The following AFAP1 variants were observed in gnomAD, a reference collection of about 807,000 sequenced individuals.
The protein encoded by AFAP1 is actin filament associated protein 1.
In AFAP1, 75 loss-of-function variants were observed where a neutral mutation model predicts 93.9. The ratio of observed to expected loss-of-function variants is 0.80; its 90% CI spans 0.66 to 0.97. AFAP1 has a LOEUF of 0.97. Among genes scored for constraint, AFAP1 ranks in the 50% least tolerant of loss-of-function variants. The pLI, the probability that AFAP1 is intolerant of heterozygous loss-of-function variation, is 0.00. For missense variants in AFAP1, 1,201 were observed against 1,050.8 expected (o/e 1.14, Z -1.98); for synonymous variants, 517 against 430.7 (o/e 1.20, Z -2.48).
intron 1 of AFAP1, among the ~76,000 whole-genome samples, chr4:7,883,920 A>G (rs1007160910): frequency 7.9e-5 from 12 of 152,228 alleles, no homozygotes; most frequent in Non-Finnish European, 1.6e-4. Flanking sequence ...AGCAATAGCA[A>G]TAATACACTG....
At chr4:7,797,478 G>A (rs183594329) in intron 10 of AFAP1, among the ~76,000 whole-genome samples, 149 of 152,306 alleles carry the variant, frequency 9.8e-4, no homozygotes, top group African/African-American at 3.0e-3. Flanking sequence ...ACCTCCATGG[G>A]CTCCCGCTAT....
chr4:7,924,706 A>C (rs1720634794), intron 1 of AFAP1, among the ~76,000 whole-genome samples: 1 of 152,080 alleles, frequency 6.6e-6, no homozygotes, highest in Non-Finnish European at 1.5e-5. Context: ...TCAGACCACA[A>C]CCTGCAGCTG....
chr4:7,909,368 A>C (rs149797437), intron 1 of AFAP1, among the ~76,000 whole-genome samples: 139 of 152,356 alleles, frequency 9.1e-4, no homozygotes, highest in Non-Finnish European at 1.5e-3. Context: ...TATTATTTAT[A>C]AACTGTCCAG....
intron 1 of AFAP1, among the ~76,000 whole-genome samples, chr4:7,923,570 C>T (rs1720552533): frequency 6.6e-6 from 1 of 152,208 alleles, no homozygotes; most frequent in South Asian, 2.1e-4. Context: ...CCTCCGACTC[C>T]CTAGTTCAAG....
chr4:7,824,193 T>C (rs1256962194), intron 6 of AFAP1, among the ~76,000 whole-genome samples: 1 of 152,196 alleles, frequency 6.6e-6, no homozygotes, highest in African/African-American at 2.4e-5. Context: ...TCCTATGAGG[T>C]TCAATGTGTA....
chr4:7,844,292 G>A (rs1290449706), intron 4 of AFAP1, among the ~76,000 whole-genome samples: 2 of 152,188 alleles, frequency 1.3e-5, no homozygotes, highest in Non-Finnish European at 2.9e-5. Flanking sequence ...AAGAGAGAGA[G>A]AGAGAGAGAG....
At chr4:7,803,300 G>A (rs1174567016) in intron 9 of AFAP1, among the ~76,000 whole-genome samples, 1 of 152,252 alleles carries the variant, frequency 6.6e-6, no homozygotes, top group Non-Finnish European at 1.5e-5. Context: ...AACAGCCCGT[G>A]CTCTGGAGTG....
At chr4:7,771,417 T>G (rs1354192132) in intron 16 of AFAP1, among the ~76,000 whole-genome samples, 1 of 152,094 alleles carries the variant, frequency 6.6e-6, no homozygotes, top group Non-Finnish European at 1.5e-5. Flanking sequence ...GTATTTTATA[T>G]ATAATAGATA....
At chr4:7,901,013 C>T (rs1560227571) in intron 1 of AFAP1, among the ~76,000 whole-genome samples, 2 of 152,172 alleles carry the variant, frequency 1.3e-5, no homozygotes, top group South Asian at 2.1e-4. Context: ...CTTCCTTCTG[C>T]GATTCCAGCG....
At position 7,843,279 on chromosome 4, in the gene AFAP1, T is replaced by C. The variant is rs1277879532; in HGVS notation, c.406A>G (p.Lys136Glu). ...TCGGAGGGCCACTGGTGCCGGGTTTTCTTCCCCTTCCCATCCTCCTCCTCT... is the reference window on the plus strand; with the variant it reads ...TCGGAGGGCCACTGGTGCCGGGTTTCCTTCCCCTTCCCATCCTCCTCCTCT... ...DEEEEDGKGK[K>E]TRHQWPSEEA... The change falls in exon 5 of 18, where the codon AAA (lysine) becomes GAA (glutamate). Residue 136 changes from lysine (K) to glutamate (E), a missense_variant. By Grantham distance (56) the Lys-to-Glu change is moderately conservative. Transcript: ENST00000420658. 2 of 1,614,036 alleles carry C rather than the reference T, an allele frequency of 1.2e-6. No individual in the cohort carries two copies. The highest frequency in any genetic ancestry group is 1.7e-6 in the Non-Finnish European group (2 of 1,180,026).
In AFAP1 at chr4:7,825,289, G is replaced by A. The variant is rs142719053; in HGVS notation, c.727-6118C>T. Among the ~76,000 whole-genome samples the A allele has an allele frequency of 1.5e-4, 23 of 152,138 alleles. No individual in the cohort carries two copies. The East Asian group carries it at 3.7e-3, about 24-fold the overall frequency. The stretch of plus-strand genomic sequence containing the variant: ...TCACCCACCTTTCCATCACTCTAGC[G>A]CACTACCTTCTGGCTCACCAGGGGT... On this transcript the variant is annotated intron_variant, in intron 6 of 17. Coordinates refer to ENST00000420658, the MANE Select transcript of AFAP1 (RefSeq NM_001134647.2).
chr4:7,844,534 G>A (rs1291420754), intron 4 of AFAP1, among the ~76,000 whole-genome samples: 2 of 152,136 alleles, frequency 1.3e-5, no homozygotes, highest in African/African-American at 2.4e-5. Flanking sequence ...AGAGCGGATC[G>A]CAGCACACCT....
intron 16 of AFAP1, chr4:7,772,555 A>T: frequency 2.2e-6 from 1 of 458,598 alleles, no homozygotes; most frequent in East Asian, 3.7e-5. Flanking sequence ...GATCTGTTCT[A>T]AACAGATTGT....
intron 9 of AFAP1, among the ~76,000 whole-genome samples, chr4:7,804,934 C>T (rs907284007): frequency 5.9e-5 from 9 of 152,162 alleles, no homozygotes; most frequent in Admixed American, 4.6e-4. Flanking sequence ...ACAGGCCTGC[C>T]GAAGCCAAAC....
rs1277078878 is a variant in AFAP1, at chr4:7,939,516, GC to G, written c.-3+139del. ...CACGCGGCGTCGCAGCAGGCGCGGAGCCCCCGGTACCACCCGAGGCCGAGAC... is the reference window on the plus strand; with the variant it reads ...CACGCGGCGTCGCAGCAGGCGCGGAGCCCCGGTACCACCCGAGGCCGAGAC... On this transcript the variant is annotated intron_variant, in intron 1 of 17. Transcript: ENST00000420658. The surrounding 1 kb of genome is among the most constrained non-coding windows in gnomAD (Gnocchi z 5.6). 6.2e-5 allele frequency: 21 copies of G among 340,952 alleles called. No homozygotes were observed. The highest frequency in any genetic ancestry group is 1.2e-4 in the South Asian group (6 of 48,484). The allele number at this position is 340,952 out of a possible 1,614,324, so 21.1% of individuals were successfully genotyped here. A position where few individuals can be genotyped will look rare whatever the true frequency, so the allele number is the denominator to read the frequency against.
chr4:7,775,170 T>C (rs1243165902), intron 14 of AFAP1: 1 of 378,620 alleles, frequency 2.6e-6, no homozygotes. Flanking sequence ...AAGCAGATAA[T>C]GGGGTAACTC....
chr4:7,807,419 C>T (rs369859221), intron 9 of AFAP1, among the ~76,000 whole-genome samples: 1 of 152,332 alleles, frequency 6.6e-6, no homozygotes, highest in Middle Eastern at 3.4e-3. Context: ...TCACCCTCCC[C>T]ATTCCGTGCT....
At chr4:7,849,887 C>G (rs1714238684) in intron 4 of AFAP1, among the ~76,000 whole-genome samples, 1 of 152,104 alleles carries the variant, frequency 6.6e-6, no homozygotes, top group South Asian at 2.1e-4. Flanking sequence ...TGAACACTGA[C>G]TCTCCTTCTG....
chr4:7,789,386 T>C (rs7684718), intron 11 of AFAP1, among the ~76,000 whole-genome samples: 119,199 of 139,472 alleles, frequency 0.85, 51,711 homozygotes, highest in African/African-American at 0.96. Flanking sequence ...AATCTCTCCA[T>C]GCTCCGCACC....
Sources: allele counts gnomAD v4.1 joint callset (sites outside exome capture counted in the v4.1 genomes callset), GRCh38; gene constraint gnomAD v4.1.1; non-coding constraint Gnocchi (gnomAD v3.1); transcripts MANE v1.5; gene names NCBI Gene and HGNC (gene_info 2026-07-23, HGNC 2026-07-21).